Variants in MRPS5 observed in about 807,000 individuals in gnomAD.
The protein encoded by MRPS5 is small ribosomal subunit protein uS5m.
A neutral mutation model predicts 51.9 loss-of-function variants in MRPS5; 27 were observed. The observed-to-expected ratio is 0.52, with a 90% confidence interval of 0.38 to 0.72. The LOEUF (loss-of-function observed/expected upper bound fraction) is 0.72. Ranked by LOEUF, MRPS5 falls within the 30% of genes least tolerant of loss-of-function variation. MRPS5 has a pLI of 0.00. For missense variants in MRPS5, 570 were observed against 545.7 expected, an observed-to-expected ratio of 1.04 and a Z score of -0.44; for synonymous variants, 196 against 193.2, an observed-to-expected ratio of 1.01 and a Z score of -0.12.
intron 6 of MRPS5, among the ~76,000 whole-genome samples, chr2:95,105,866 T>C (rs1675934057): frequency 1.3e-5 from 2 of 152,226 alleles, no homozygotes; most frequent in Admixed American, 1.3e-4. Flanking sequence ...TTATTCCACA[T>C]GGTATTTAAC....
Position 95,087,514 on chromosome 2 carries a change from G to A in MRPS5, c.1136C>T (p.Pro379Leu). The stretch of plus-strand genomic sequence containing the variant: ...GGGGGACGCAACCACAATGGGCAGA[G>A]GGCCACATTCCTCCCGGATTTCCAC... ...HVVEIREECG[P>L]LPIVVASPRG... The change falls in exon 12 of 12, where the codon CCT (proline) becomes CTT (leucine). Residue 379 changes from proline (P) to leucine (L), a missense_variant. Coordinates refer to ENST00000272418, the MANE Select transcript of MRPS5 (RefSeq NM_031902.5). 1.2e-6 allele frequency: 2 copies of A among 1,614,194 alleles called. No homozygotes were observed. The highest frequency in any genetic ancestry group is 1.7e-6 in the Non-Finnish European group (2 of 1,180,036).
At chr2:95,103,108 T>C (rs1385196437) in intron 7 of MRPS5, among the ~76,000 whole-genome samples, 1 of 152,196 alleles carries the variant, frequency 6.6e-6, no homozygotes, top group Non-Finnish European at 1.5e-5. Flanking sequence ...CCCGAAGTGA[T>C]AACTAATATT....
chr2:95,100,648 A>G, intron 9 of MRPS5, 112 bp from the exon 10 acceptor site: 1 of 941,588 alleles, frequency 1.1e-6, no homozygotes, highest in Non-Finnish European at 1.6e-6. Context: ...ATATTGACCA[A>G]AGATAAATGG....
chr2:95,094,579 T>A (rs1675565626), intron 10 of MRPS5, among the ~76,000 whole-genome samples: 1 of 152,190 alleles, frequency 6.6e-6, no homozygotes, highest in South Asian at 2.1e-4. Flanking sequence ...GGGCCAATAT[T>A]CAACATTCTT....
chr2:95,103,460 G>A (rs921923677), intron 7 of MRPS5, among the ~76,000 whole-genome samples: 1 of 152,186 alleles, frequency 6.6e-6, no homozygotes, highest in Non-Finnish European at 1.5e-5. Context: ...AGTTGGCAAG[G>A]GTGAGATGGT....
In MRPS5 at chr2:95,087,494, A is replaced by T. The variant is rs149040333; in HGVS notation, c.1156T>A (p.Ser386Thr). Reference sequence around the variant, plus strand: ...TCCTTCCTCAAGGGCCCCCGGGGGGACGCAACCACAATGGGCAGAGGGCCA... The same window carrying T: ...TCCTTCCTCAAGGGCCCCCGGGGGGTCGCAACCACAATGGGCAGAGGGCCA... Reference protein sequence around the residue: ...ECGPLPIVVASPRGPLRKDPE... With the variant: ...ECGPLPIVVATPRGPLRKDPE... Residue 386 changes from serine (S) to threonine (T), a missense_variant, in exon 12 of 12, where the codon TCC (serine) becomes ACC (threonine). By Grantham distance (58) the Ser-to-Thr change is moderately conservative (BLOSUM62 1). Coordinates refer to ENST00000272418, the MANE Select transcript of MRPS5 (RefSeq NM_031902.5). 2.0e-5 allele frequency: 33 copies of T among 1,613,830 alleles called. No individual in the cohort carries two copies. In the East Asian group the frequency reaches 5.6e-4, roughly 27 times the overall value.
Position 95,090,409 on chromosome 2 carries a change from G to C in MRPS5, c.1045C>G (p.Leu349Val), listed in dbSNP as rs377443886. 1 of 1,613,882 alleles carries C rather than the reference G, an allele frequency of 6.2e-7. No homozygotes were observed. Among genetic ancestry groups the C allele is most frequent in the Non-Finnish European group, 8.5e-7 (1 of 1,179,954 alleles). The part of the protein sequence containing the change: ...SINMLSLTQG[L>V]FRGLSRQETH... ...ACCTGTCTGGAGAGCCCACGGAAGA[G>C]GCCCTGGGTGAGGCTGAGCATATTA... The change falls in exon 11 of 12, where the codon CTC becomes GTC. Residue 349 changes from leucine to valine, a missense_variant. Leu to Val is a conservative substitution (Grantham distance 32, BLOSUM62 1). Transcript: ENST00000272418.
At chr2:95,109,746 C>T (rs1452278240) in intron 4 of MRPS5, among the ~76,000 whole-genome samples, 170 bp downstream of exon 4, 2 of 152,178 alleles carry the variant, frequency 1.3e-5, no homozygotes, top group African/African-American at 4.8e-5. Context: ...TGGGATTTTC[C>T]TCCCCCAGAA....
intron 5 of MRPS5, among the ~76,000 whole-genome samples, chr2:95,106,932 T>C (rs955529768): frequency 3.2e-4 from 48 of 152,164 alleles, no homozygotes; most frequent in African/African-American, 1.2e-3. Context: ...AAAGTATGCA[T>C]ACACAGGGCC....
chr2:95,102,025 T>G, intron 7 of MRPS5: 1 of 265,476 alleles, frequency 3.8e-6, no homozygotes, highest in East Asian at 9.5e-5. Context: ...CCAGGCATGC[T>G]GGTGCATGAC....
intron 10 of MRPS5, chr2:95,091,605 T>G (rs1675469529): frequency 6.6e-6 from 1 of 152,126 alleles, no homozygotes; most frequent in Non-Finnish European, 1.5e-5. Context: ...CCTCTAACAT[T>G]ATTTGCCAGA....
rs1464007715 is a variant in MRPS5 at position 95,121,755 on chromosome 2, C to T, written c.37G>A (p.Val13Met). Residue 13 changes from valine (V) to methionine (M), a missense_variant, in exon 1 of 12, where the codon GTG becomes ATG. Val to Met is a conservative substitution (Grantham distance 21). Coordinates refer to ENST00000272418, the MANE Select transcript of MRPS5 (RefSeq NM_031902.5). ...TCACCTGCCGTCCCGCTACACAGCA[C>T]GGGGAGGCAGCCCACAGCGCGCACC... ...TAVRAVGCLP[V>M]LCSGTAGHLL... 22 of 1,553,124 alleles carry T rather than the reference C, an allele frequency of 1.4e-5. No individual in the cohort carries two copies. In the Admixed American group the frequency reaches 4.0e-4, roughly 29 times the overall value.
intron 6 of MRPS5, among the ~76,000 whole-genome samples, chr2:95,105,285 C>T (rs1675915852): frequency 6.6e-6 from 1 of 152,160 alleles, no homozygotes; most frequent in Non-Finnish European, 1.5e-5. Flanking sequence ...CACAGTGGCT[C>T]ATGCCTGTAA....
chr2:95,118,105 C>T (rs1381922796), intron 1 of MRPS5, among the ~76,000 whole-genome samples, 160 bp from the exon 2 acceptor site: 1 of 152,106 alleles, frequency 6.6e-6, no homozygotes, highest in Non-Finnish European at 1.5e-5. Context: ...TGACACCATA[C>T]CTCATCTTCT....
chr2:95,088,853 G>A (rs1244984130), intron 11 of MRPS5, among the ~76,000 whole-genome samples: 1 of 152,186 alleles, frequency 6.6e-6, no homozygotes, highest in African/African-American at 2.4e-5. Flanking sequence ...TGGATCACGA[G>A]GTCAGGAGTT....
chr2:95,103,099 C>T (rs1331329495), intron 7 of MRPS5, among the ~76,000 whole-genome samples: 1 of 152,040 alleles, frequency 6.6e-6, no homozygotes, highest in African/African-American at 2.4e-5. Flanking sequence ...AGACACAAAC[C>T]CGAAGTGATA....
At chr2:95,090,033 C>T (rs1156792152) in intron 11 of MRPS5, among the ~76,000 whole-genome samples, 25 of 151,270 alleles carry the variant, frequency 1.7e-4, no homozygotes, top group African/African-American at 5.1e-4. Flanking sequence ...AAAAATTAGC[C>T]GGGCGTAGTG....
At position 95,087,360 on chromosome 2, in the gene MRPS5, C is replaced by T. The variant is rs527966814; in HGVS notation, c.1290G>A (p.Thr430=). 6.2e-6 allele frequency: 10 copies of T among 1,613,916 alleles called. 1 individual carries two copies. The highest frequency in any genetic ancestry group is 1.6e-4 in the Middle Eastern group (1 of 6,062). ...SVWSNLKRAA[T] ...TGGCTGCACAAGGCCAGAGAGGTTA[C>T]GTGGCGGCTCTCTTCAAATTAGACC... The change falls in exon 12 of 12, where the codon ACG becomes ACA. Residue 430 remains threonine (T), a synonymous_variant. Transcript: ENST00000272418.
rs147670847 is a variant in MRPS5 at position 95,115,584 on chromosome 2, G to A, written c.140-381C>T. Among the ~76,000 whole-genome samples the A allele has an allele frequency of 8.5e-5, 13 of 152,308 alleles. No individual in the cohort carries two copies. The East Asian group carries it at 2.5e-3, about 29-fold the overall frequency. ...AGACCTGCAACTGGCCAGGTCAGAA[G>A]AGCAAGGTGCAGGAGAGCATGTACA... On this transcript the variant is annotated intron_variant, in intron 2 of 11. Transcript: ENST00000272418.
Sources: allele counts gnomAD v4.1 joint callset (sites outside exome capture counted in the v4.1 genomes callset), GRCh38; gene constraint gnomAD v4.1.1; transcripts MANE v1.5; gene names NCBI Gene and HGNC (gene_info 2026-07-23, HGNC 2026-07-21).